The following CASC3 variants were observed in gnomAD, a reference collection of about 807,000 sequenced individuals.
The protein encoded by CASC3 is CASC3 exon junction complex subunit.
A neutral mutation model predicts 80.5 loss-of-function variants in CASC3; 30 were observed. That is an observed-to-expected ratio of 0.37 (90% CI 0.28 to 0.51). The LOEUF (loss-of-function observed/expected upper bound fraction) is 0.51, where lower values mean the gene tolerates loss of function less well. Among genes scored for constraint, CASC3 ranks in the 20% least tolerant of loss-of-function variants. The probability of loss-of-function intolerance (pLI) is 0.94; values close to 1 mark genes in which losing one functional copy is unlikely to be tolerated. For missense variants in CASC3, 824 were observed against 922.2 expected (o/e 0.89, Z 1.38); for synonymous variants, 312 against 333.6 (o/e 0.94, Z 0.70).
rs988633877 is a variant in CASC3 at position 40,169,534 on chromosome 17, T to A, written c.2089-64T>A. On this transcript the variant is annotated intron_variant, in intron 12 of 13. Transcript: ENST00000264645. ...GAGGATTTCCCTCATTTTCTGGGTG[T>A]GTTTCTCTGGAAAACAGTCTTTTTG... The A allele has an allele frequency of 5.1e-6, 8 of 1,577,498 alleles. No homozygotes were observed. In the African/African-American group the frequency reaches 1.1e-4, roughly 22 times the overall value.
intron 10 of CASC3, 108 bp from the exon 11 acceptor site, chr17:40,168,095 A>AGGC: frequency 7.8e-7 from 1 of 1,274,534 alleles, no homozygotes; most frequent in Non-Finnish European, 1.1e-6. Context: ...TCTTGTGTCC[A>AGGC]TCCTGAGGAC....
chr17:40,140,821 AG>A, intron 1 of CASC3, 42 bp downstream of exon 1: 1 of 167,942 alleles, frequency 6.0e-6, no homozygotes. Flanking sequence ...CCGGGCGGCG[AG>A]CCGGCCGGGG....
rs1248614380 is a variant in CASC3, at chr17:40,170,721, T to G, written c.*316T>G. The stretch of plus-strand genomic sequence containing the variant: ...CAGAAGCCCATGTCTTCTGCTGTTC[T>G]TCACTTCTGGGAAATTGAAGTGTCT... On this transcript the variant is annotated 3_prime_UTR_variant, in exon 14 of 14. Coordinates refer to ENST00000264645, the MANE Select transcript of CASC3 (RefSeq NM_007359.5). The G allele has an allele frequency of 1.0e-6, 1 of 985,472 alleles. No individual in the cohort carries two copies. The highest frequency in any genetic ancestry group is 1.2e-6 in the Non-Finnish European group (1 of 829,938). 61.0% of individuals were successfully genotyped at this position (985,472 alleles called of 1,614,324 possible). A position where few individuals can be genotyped will look rare whatever the true frequency, so the allele number is the denominator to read the frequency against.
At chr17:40,152,646 T>C (rs1024666964) in intron 3 of CASC3, among the ~76,000 whole-genome samples, 4 of 151,840 alleles carry the variant, frequency 2.6e-5, no homozygotes, top group African/African-American at 9.7e-5. Flanking sequence ...AACAAATTTT[T>C]TGTAGAGGCA....
chr17:40,158,212 G>A (rs1004254448), intron 3 of CASC3, among the ~76,000 whole-genome samples: 1 of 152,182 alleles, frequency 6.6e-6, no homozygotes, highest in African/African-American at 2.4e-5. Flanking sequence ...TGAAGAGATG[G>A]CAGAAACTTA....
In CASC3 at chr17:40,166,786, G is replaced by T. The variant is rs779495613; in HGVS notation, c.1472-11G>T. 3 of 1,584,052 alleles carry T rather than the reference G, an allele frequency of 1.9e-6. No homozygotes were observed. The highest frequency in any genetic ancestry group is 1.7e-6 in the Non-Finnish European group (2 of 1,169,832). ...CTGATCTGCAGAAGTGACTTTTTTG[G>T]TGTATTACAGGTATGCCCAACCATA... On this transcript the variant is annotated splice_polypyrimidine_tract_variant and intron_variant, in intron 7 of 13. Coordinates refer to ENST00000264645, the MANE Select transcript of CASC3 (RefSeq NM_007359.5).
intron 3 of CASC3, among the ~76,000 whole-genome samples, chr17:40,161,350 T>A (rs1365722571): frequency 2.0e-5 from 3 of 152,166 alleles, no homozygotes; most frequent in Admixed American, 1.3e-4. Context: ...TATGTTGTAC[T>A]AAAAATTTAT....
chr17:40,145,796 G>GT (rs917661418), intron 3 of CASC3, among the ~76,000 whole-genome samples: 18 of 151,320 alleles, frequency 1.2e-4, no homozygotes, highest in African/African-American at 4.4e-4. Context: ...TTGTTTGTTT[G>GT]TTTTTTTAAT....
intron 3 of CASC3, among the ~76,000 whole-genome samples, chr17:40,160,459 C>T (rs939368581): frequency 1.3e-5 from 2 of 151,488 alleles, no homozygotes; most frequent in Non-Finnish European, 2.9e-5. Flanking sequence ...TGTGCCACTG[C>T]ACTCCTGGGC....
Position 40,163,983 on chromosome 17 carries a change from G to A in CASC3, c.1288G>A (p.Gly430Arg), listed in dbSNP as rs1437562529. 1 of 1,614,064 alleles carries A rather than the reference G, an allele frequency of 6.2e-7. No individual in the cohort carries two copies. Among genetic ancestry groups the A allele is most frequent in the Non-Finnish European group, 8.5e-7 (1 of 1,180,014 alleles). ...LAEEVPPPPE[G>R]LIPAPPVPET... ...AGAGGAGGTGCCCCCTCCTCCTGAA[G>A]GACTGATTCCAGCACCTCCAGTCCC... Residue 430 changes from glycine to arginine, a missense_variant, in exon 7 of 14, where the codon GGA (glycine) becomes AGA (arginine). Physicochemically the swap from Gly to Arg is moderately radical, Grantham distance 125. Coordinates refer to ENST00000264645, the MANE Select transcript of CASC3 (RefSeq NM_007359.5).
At chr17:40,168,526 C>A in intron 11 of CASC3, 109 bp downstream of exon 11, 1 of 990,426 alleles carries the variant, frequency 1.0e-6, no homozygotes, top group Non-Finnish European at 1.5e-6. Context: ...TTCAGTGCCA[C>A]TGATTTGTAT....
intron 7 of CASC3, 67 bp from the exon 8 acceptor site, chr17:40,166,730 G>C (rs1989458150): frequency 9.5e-7 from 1 of 1,053,622 alleles, no homozygotes; most frequent in Non-Finnish European, 1.4e-6. Context: ...CCTGTCTCTT[G>C]ATAGTATCTT....
At chr17:40,150,889 T>C (rs1479831449) in intron 3 of CASC3, among the ~76,000 whole-genome samples, 2 of 151,974 alleles carry the variant, frequency 1.3e-5, no homozygotes, top group African/African-American at 4.8e-5. Context: ...GGCGGGCACC[T>C]GTAGTCCCAG....
chr17:40,166,607 G>A (rs1989454738), intron 7 of CASC3, among the ~76,000 whole-genome samples, 190 bp from the exon 8 acceptor site: 1 of 152,130 alleles, frequency 6.6e-6, no homozygotes, highest in Non-Finnish European at 1.5e-5. Context: ...ATATTAAGAT[G>A]GCAGACAGTG....
intron 3 of CASC3, among the ~76,000 whole-genome samples, chr17:40,154,193 T>G (rs1469082067): frequency 6.6e-6 from 1 of 151,880 alleles, no homozygotes; most frequent in Non-Finnish European, 1.5e-5. Context: ...GGCAATTTTT[T>G]AAAAATTAAT....
Position 40,164,131 on chromosome 17 carries a change from G to T in CASC3, c.1436G>T (p.Gly479Val), listed in dbSNP as rs1265388891. 1 of 1,610,666 alleles carries T rather than the reference G, an allele frequency of 6.2e-7. No homozygotes were observed. The highest frequency in any genetic ancestry group is 1.3e-5 in the African/African-American group (1 of 74,974). ...ATAGCAGAACAGAATTGGAGTCCGG[G>T]GCAGCCTTCTTTCCTGCAACCACGG... ...LNIAEQNWSP[G>V]QPSFLQPREL... The change falls in exon 7 of 14, where the codon GGG (glycine) becomes GTG (valine). Residue 479 changes from glycine to valine, a missense_variant. Gly to Val is a moderately radical substitution (Grantham distance 109, BLOSUM62 -3). Transcript: ENST00000264645.
intron 3 of CASC3, among the ~76,000 whole-genome samples, chr17:40,157,521 C>T (rs191641286): frequency 6.6e-6 from 1 of 151,536 alleles, no homozygotes; most frequent in Admixed American, 6.6e-5. Flanking sequence ...ACTAAAAGTA[C>T]GAAAATAGCT....
In CASC3 at chr17:40,171,137, C is replaced by T. The variant is rs1228319572; in HGVS notation, c.*732C>T. The T allele has an allele frequency of 1.0e-6, 1 of 985,858 alleles. No homozygotes were observed. The highest frequency in any genetic ancestry group is 1.1e-4 in the East Asian group (1 of 8,970). 61.1% of individuals were successfully genotyped at this position (985,858 alleles called of 1,614,324 possible). On this transcript the variant is annotated 3_prime_UTR_variant, in exon 14 of 14. Coordinates refer to ENST00000264645, the MANE Select transcript of CASC3 (RefSeq NM_007359.5). The stretch of plus-strand genomic sequence containing the variant: ...AAGCTCAGAGTAGGTGGGTAGGAGC[C>T]CTTCTCTTTGACTTAGGTTTTTAGG...
Position 40,140,792 on chromosome 17 carries a change from A to C in CASC3, c.231+13A>C. Reference sequence around the variant, plus strand: ...GGAGTCGGAGTGTGTGAGTGCGCGCAGGCGGGGCGGGGTGGGGACCGGGCG... The same window carrying C: ...GGAGTCGGAGTGTGTGAGTGCGCGCCGGCGGGGCGGGGTGGGGACCGGGCG... On this transcript the variant is annotated intron_variant, in intron 1 of 13. Coordinates refer to ENST00000264645, the MANE Select transcript of CASC3 (RefSeq NM_007359.5). 2 of 373,158 alleles carry C rather than the reference A, an allele frequency of 5.4e-6. No individual in the cohort carries two copies. The highest frequency in any genetic ancestry group is 6.5e-6 in the Non-Finnish European group (2 of 307,038). The allele number at this position is 373,158 out of a possible 1,614,324, so 23.1% of individuals were successfully genotyped here.
Sources: gnomAD v4.1 joint callset for allele counts (sites outside exome capture counted in the v4.1 genomes callset) on GRCh38, gnomAD v4.1.1 for gene constraint, MANE v1.5 for transcripts, NCBI Gene and HGNC (gene_info 2026-07-23, HGNC 2026-07-21) for gene names.